The following CSGALNACT1 variants were observed in gnomAD, a reference collection of about 807,000 sequenced individuals.
The protein encoded by CSGALNACT1 is beta4GalNAcT-1.
CSGALNACT1 carries 52 observed loss-of-function variants against 51.0 expected under a neutral mutation model. The observed-to-expected ratio is 1.02, with a 90% CI of 0.82 to 1.29. The LOEUF (loss-of-function observed/expected upper bound fraction) is 1.29, where lower values mean the gene tolerates loss of function less well. Ranked by LOEUF, CSGALNACT1 falls within the 50% of genes most tolerant of loss-of-function variation. The probability of loss-of-function intolerance (pLI) is 0.00; values close to 1 mark genes in which losing one functional copy is unlikely to be tolerated. For synonymous variants in CSGALNACT1, 341 were observed against 254.4 expected (o/e 1.34, Z -3.24); for missense variants, 935 against 679.2 (o/e 1.38, Z -4.19).
intron 3 of CSGALNACT1, among the ~76,000 whole-genome samples, chr8:19,575,647 G>C (rs2044028781): frequency 6.6e-6 from 1 of 152,194 alleles, no homozygotes; most frequent in Admixed American, 6.5e-5. Flanking sequence ...AGGATACTGA[G>C]AAATTTTGTT....
chr8:19,604,040 A>G (rs2050989184), upstream of CSGALNACT1, among the ~76,000 whole-genome samples: 1 of 152,146 alleles, frequency 6.6e-6, no homozygotes, highest in Non-Finnish European at 1.5e-5. Context: ...CTCTTTTTCC[A>G]GTGAAGGTAC....
At chr8:19,626,502 CAT>C (rs1455304077) in intron 1 of CSGALNACT1, among the ~76,000 whole-genome samples, 1 of 151,938 alleles carries the variant, frequency 6.6e-6, no homozygotes, top group Non-Finnish European at 1.5e-5. Flanking sequence ...TTAGAAAAAA[CAT>C]AGAAAATCCT....
intron 5 of CSGALNACT1, among the ~76,000 whole-genome samples, chr8:19,440,616 G>A (rs1031588183): frequency 1.3e-5 from 2 of 152,168 alleles, no homozygotes; most frequent in African/African-American, 2.4e-5. Flanking sequence ...ATATCATATT[G>A]AATGGGCAAA....
At chr8:19,590,216 C>A (rs1015320611) in intron 3 of CSGALNACT1, among the ~76,000 whole-genome samples, 1 of 152,204 alleles carries the variant, frequency 6.6e-6, no homozygotes, top group African/African-American at 2.4e-5. Context: ...CAGAAAATTT[C>A]TTTTAACTAA....
At chr8:19,647,462 T>C (rs1213998871) in intron 1 of CSGALNACT1, among the ~76,000 whole-genome samples, 5 of 152,338 alleles carry the variant, frequency 3.3e-5, no homozygotes, top group Non-Finnish European at 5.9e-5. Flanking sequence ...CATGTGTTTA[T>C]CTGTATCTTG....
chr8:19,697,712 G>A lies in CSGALNACT1; in HGVS notation c.-297+60138C>T. On this transcript the variant is annotated intron_variant, in intron 1 of 1. Transcript: ENST00000517494. ...GGGACCGAGCAGAGTCAGAGGCAAT[G>A]AGTCCACTGTGGGACATGTGGACTT... Among the ~76,000 whole-genome samples, 2 of 152,130 alleles carry A rather than the reference G, an allele frequency of 1.3e-5. 1 individual carries two copies. The highest frequency in any genetic ancestry group is 1.3e-4 in the Admixed American group (2 of 15,278).
At chr8:19,548,430 A>G (rs117442026) in intron 3 of CSGALNACT1, among the ~76,000 whole-genome samples, 2,525 of 152,308 alleles carry the variant, frequency 0.017, 28 homozygotes, top group Non-Finnish European at 0.028. Flanking sequence ...TATATTCCAA[A>G]AACTCACTGC....
intron 1 of CSGALNACT1, among the ~76,000 whole-genome samples, chr8:19,680,037 G>A (rs978232287): frequency 6.6e-6 from 1 of 152,022 alleles, no homozygotes; most frequent in Non-Finnish European, 1.5e-5. Context: ...AGTTCTGAAA[G>A]TTTACTTAAC....
chr8:19,653,948 C>A (rs2058047328), intron 1 of CSGALNACT1, among the ~76,000 whole-genome samples: 1 of 152,106 alleles, frequency 6.6e-6, no homozygotes, highest in Non-Finnish European at 1.5e-5. Flanking sequence ...GCCTCCATTC[C>A]CCTCTCCCCT....
intron 1 of CSGALNACT1, among the ~76,000 whole-genome samples, chr8:19,680,220 A>G (rs979742381): frequency 6.6e-6 from 1 of 152,200 alleles, no homozygotes; most frequent in African/African-American, 2.4e-5. Flanking sequence ...CAGATAAAAA[A>G]TATTTGGAAA....
intron 3 of CSGALNACT1, among the ~76,000 whole-genome samples, chr8:19,515,623 G>A (rs2079371007): frequency 6.6e-6 from 1 of 152,170 alleles, no homozygotes; most frequent in Non-Finnish European, 1.5e-5. Flanking sequence ...AGGGAAATGT[G>A]GCAAAAAGAA....
chr8:19,670,626 GA>G (rs2059715476), intron 1 of CSGALNACT1, among the ~76,000 whole-genome samples: 1 of 100,378 alleles, frequency 1.0e-5, no homozygotes, highest in Non-Finnish European at 1.8e-5. Flanking sequence ...CCTCAGACCA[GA>G]ACTGATTATG....
rs7815499 is a variant in CSGALNACT1 at position 19,407,817 on chromosome 8, T to C, written c.1309+796A>G. On this transcript the variant is annotated intron_variant, in intron 9 of 9. Coordinates refer to ENST00000454498, the Ensembl canonical transcript of CSGALNACT1. Reference sequence around the variant, plus strand: ...TTTGTGTATATGAATTGTGTGCGCATGTGGACATTTGTGTATATGAATTGT... The same window carrying C: ...TTTGTGTATATGAATTGTGTGCGCACGTGGACATTTGTGTATATGAATTGT... Among the ~76,000 whole-genome samples the C allele has an allele frequency of 3.1e-3, 468 of 152,064 alleles. 2 individuals carry two copies. The highest frequency in any genetic ancestry group is 0.011 in the African/African-American group (440 of 41,404).
chr8:19,408,810 G>A (rs2054921752), intron 8 of CSGALNACT1, 116 bp from the exon 8 acceptor site: 1 of 860,502 alleles, frequency 1.2e-6, no homozygotes, highest in African/African-American at 1.7e-5. Flanking sequence ...CTGATAAACA[G>A]CCTCCACTGG....
intron 3 of CSGALNACT1, among the ~76,000 whole-genome samples, chr8:19,531,252 C>G (rs1758136991): frequency 6.6e-6 from 1 of 152,162 alleles, no homozygotes; most frequent in Non-Finnish European, 1.5e-5. Flanking sequence ...AAAGCACAAG[C>G]TTCTTAAAAA....
intron 2 of CSGALNACT1, among the ~76,000 whole-genome samples, chr8:19,591,441 G>C (rs546397208): frequency 4.6e-5 from 7 of 152,188 alleles, no homozygotes; most frequent in Non-Finnish European, 1.0e-4. Flanking sequence ...TAAAAAATCA[G>C]TGATAGTCAC....
Position 19,580,690 on chromosome 8 carries a change from A to T in CSGALNACT1, c.-297+10470T>A, listed in dbSNP as rs185407492. Among the ~76,000 whole-genome samples the T allele has an allele frequency of 2.8e-4, 42 of 152,350 alleles. 1 individual carries two copies. The highest frequency in any genetic ancestry group is 9.9e-4 in the African/African-American group (41 of 41,584). Reference sequence around the variant, plus strand: ...ACAAGATCAAATGACCAAAACCAAGATACAAAACTGGTAATACACAGACTC... The same window carrying T: ...ACAAGATCAAATGACCAAAACCAAGTTACAAAACTGGTAATACACAGACTC... On this transcript the variant is annotated intron_variant, in intron 3 of 9. Transcript: ENST00000454498.
intron 1 of CSGALNACT1, among the ~76,000 whole-genome samples, chr8:19,619,668 T>A (rs969959226): frequency 6.6e-6 from 1 of 152,190 alleles, no homozygotes; most frequent in East Asian, 1.9e-4. Flanking sequence ...TTTCCAAAAT[T>A]TAACTTTCTT....
intron 1 of CSGALNACT1, among the ~76,000 whole-genome samples, chr8:19,740,750 A>C (rs2064261510): frequency 6.6e-6 from 1 of 152,210 alleles, no homozygotes; most frequent in South Asian, 2.1e-4. Context: ...TATTTGAAAA[A>C]GCAGTTACCC....
Sources: gnomAD v4.1 joint callset for allele counts (sites outside exome capture counted in the v4.1 genomes callset) on GRCh38, gnomAD v4.1.1 for gene constraint, MANE v1.5 for transcripts, NCBI Gene and HGNC (gene_info 2026-07-23, HGNC 2026-07-21) for gene names.